PTDSS2: variants seen among roughly 807,000 people sequenced by gnomAD.
The protein encoded by PTDSS2 is PSS-2.
A neutral mutation model predicts 64.7 loss-of-function variants in PTDSS2; 41 were observed. That is an observed-to-expected ratio of 0.63 (90% confidence interval 0.49 to 0.82). The LOEUF (loss-of-function observed/expected upper bound fraction) is 0.82, where lower values mean the gene tolerates loss of function less well. Among genes scored for constraint, PTDSS2 ranks in the 40% least tolerant of loss-of-function variants. PTDSS2 has a pLI of 0.00. For synonymous variants in PTDSS2, 297 were observed against 277.8 expected (o/e 1.07, Z -0.69); for missense variants, 485 against 650.0 (o/e 0.75, Z 2.76).
chr11:469,671 T>C (rs945392818), intron 2 of PTDSS2, among the ~76,000 whole-genome samples: 4 of 152,008 alleles, frequency 2.6e-5, no homozygotes, highest in Admixed American at 6.6e-5. Flanking sequence ...ATCTTGTTGC[T>C]GTACAAGCTG....
At chr11:471,952 G>T (rs1335120203) in intron 2 of PTDSS2, among the ~76,000 whole-genome samples, 1 of 143,588 alleles carries the variant, frequency 7.0e-6, no homozygotes, top group African/African-American at 2.6e-5. Flanking sequence ...CGTGGATGGC[G>T]GCCTGGGGTG....
intron 2 of PTDSS2, among the ~76,000 whole-genome samples, chr11:469,681 G>C (rs1051928657): frequency 2.0e-5 from 3 of 151,970 alleles, no homozygotes; most frequent in African/African-American, 7.3e-5. Context: ...TGTACAAGCT[G>C]AGGGGGCCTA....
chr11:465,757 C>A (rs958117690), intron 2 of PTDSS2, among the ~76,000 whole-genome samples: 2 of 150,488 alleles, frequency 1.3e-5, no homozygotes, highest in African/African-American at 4.9e-5. Flanking sequence ...AGGACCACCC[C>A]CCCCCCATCT....
At chr11:475,793 A>G (rs1564980743) in intron 3 of PTDSS2, among the ~76,000 whole-genome samples, 1 of 152,252 alleles carries the variant, frequency 6.6e-6, no homozygotes, top group Non-Finnish European at 1.5e-5. Flanking sequence ...AATGTACTAC[A>G]TTTAACTAAC....
intron 2 of PTDSS2, among the ~76,000 whole-genome samples, chr11:469,210 T>C: frequency 8.6e-6 from 1 of 116,578 alleles, no homozygotes; most frequent in Non-Finnish European, 1.8e-5. Flanking sequence ...GGGGAGTCTC[T>C]GGGTAATCGG....
intron 1 of PTDSS2, chr11:451,210 C>T (rs183837224): frequency 3.4e-4 from 86 of 249,454 alleles, no homozygotes; most frequent in African/African-American, 1.8e-3. Context: ...CTCAGTTGCC[C>T]CTAGCGGGGC....
At chr11:475,363 A>C (rs1362430160) in intron 3 of PTDSS2, among the ~76,000 whole-genome samples, 1 of 141,722 alleles carries the variant, frequency 7.1e-6, no homozygotes, top group Non-Finnish European at 1.5e-5. Flanking sequence ...GGACATATTC[A>C]CATATTTGTG....
rs909071216 is a variant in PTDSS2, at chr11:476,232, C to T, written c.367+2255C>T. 2.6e-5 allele frequency among the ~76,000 whole-genome samples: 4 copies of T among 152,192 alleles called. No homozygotes were observed. The highest frequency in any genetic ancestry group is 6.5e-5 in the Admixed American group (1 of 15,282). ...GTCTGCCCAGCCGGCTGAGCACAGACGGTCTTGCCTCCAAGGGGTTTGGAT... is the reference window on the plus strand; with the variant it reads ...GTCTGCCCAGCCGGCTGAGCACAGATGGTCTTGCCTCCAAGGGGTTTGGAT... On this transcript the variant is annotated intron_variant, in intron 3 of 11. Coordinates refer to ENST00000308020, the MANE Select transcript of PTDSS2 (RefSeq NM_030783.3). The surrounding 1 kb of genome is among the most constrained non-coding windows in gnomAD (Gnocchi z 4.9).
At chr11:452,736 TGG>T (rs1846397395) in intron 1 of PTDSS2, among the ~76,000 whole-genome samples, 2 of 152,124 alleles carry the variant, frequency 1.3e-5, no homozygotes, top group Non-Finnish European at 2.9e-5. Flanking sequence ...TTCACGCTTC[TGG>T]GTGGCAGGTA....
chr11:457,588 T>C (rs1283575174), intron 1 of PTDSS2, among the ~76,000 whole-genome samples: 1 of 152,238 alleles, frequency 6.6e-6, no homozygotes, highest in Admixed American at 6.5e-5. Context: ...AGCACATTCC[T>C]CTGAGTGCTG....
chr11:459,982 G>A (rs1846800183), intron 1 of PTDSS2: 4 of 560,090 alleles, frequency 7.1e-6, no homozygotes, highest in Non-Finnish European at 1.3e-5. Context: ...CCTCCTGGGG[G>A]CTGGTCTCAG....
chr11:455,182 G>A (rs370726215), intron 1 of PTDSS2, among the ~76,000 whole-genome samples: 2 of 152,240 alleles, frequency 1.3e-5, no homozygotes, highest in African/African-American at 2.4e-5. Context: ...CTAGCTTCTG[G>A]GTCTCCCATT....
intron 3 of PTDSS2, among the ~76,000 whole-genome samples, chr11:477,604 T>A (rs540281754): frequency 3.9e-5 from 6 of 152,120 alleles, no homozygotes; most frequent in Non-Finnish European, 7.3e-5. Flanking sequence ...AGGAGAAACA[T>A]GAGAAAGATT....
rs1848423382 is a variant in PTDSS2 at position 486,959 on chromosome 11, G to A, written c.456G>A (p.Gln152=). Residue 152 remains glutamine, a synonymous_variant, in exon 5 of 12, where the codon CAG becomes CAA. Coordinates refer to ENST00000308020, the MANE Select transcript of PTDSS2 (RefSeq NM_030783.3). ...TGCAGACTGTCCAGGACGGCCGGCA[G>A]TTTCTAAAGTATGTTGACCCCAAGC... ...ILFQTVQDGR[Q]FLKYVDPKLG... The A allele has an allele frequency of 6.2e-7, 1 of 1,612,922 alleles. No individual in the cohort carries two copies.
chr11:455,811 T>G (rs910657442), intron 1 of PTDSS2, among the ~76,000 whole-genome samples: 13 of 152,248 alleles, frequency 8.5e-5, no homozygotes, highest in African/African-American at 3.1e-4. Flanking sequence ...TTTTTCTCTA[T>G]AACGTGTAGG....
In PTDSS2 at chr11:476,765, A is replaced by G. The variant is rs1419802967; in HGVS notation, c.368-2320A>G. Among the ~76,000 whole-genome samples, 1 of 152,156 alleles carries G rather than the reference A, an allele frequency of 6.6e-6. No individual in the cohort carries two copies. The highest frequency in any genetic ancestry group is 1.9e-4 in the East Asian group (1 of 5,200). ...TGTGGCTCGTCCCCTCCCACTGGGCAGGACTGGGGGTTCCTGGGGTGTTCA... is the reference window on the plus strand; with the variant it reads ...TGTGGCTCGTCCCCTCCCACTGGGCGGGACTGGGGGTTCCTGGGGTGTTCA... On this transcript the variant is annotated intron_variant, in intron 3 of 11. Coordinates refer to ENST00000308020, the MANE Select transcript of PTDSS2 (RefSeq NM_030783.3). This position sits in a 1 kb window ranked among gnomAD's most constrained non-coding sequence, Gnocchi z 4.9.
chr11:486,988 G>T lies in PTDSS2; in HGVS notation c.485G>T (p.Gly162Val). ...CTAAAGTATGTTGACCCCAAGCTGG[G>T]AGTCCCACTGCCAGAGAGAGACTAC... ...QFLKYVDPKL[G>V]VPLPERDYGG... is the part of the protein sequence containing the mutation. Residue 162 changes from glycine to valine, a missense_variant, in exon 5 of 12, where the codon GGA becomes GTA. This residue lies in a region of PTDSS2 where 251 missense variants were observed against 348.0 expected (regional missense o/e 0.72). Transcript: ENST00000308020. 6.2e-7 allele frequency: 1 copy of T among 1,613,402 alleles called. No individual in the cohort carries two copies. Among genetic ancestry groups the T allele is most frequent in the Non-Finnish European group, 8.5e-7 (1 of 1,179,892 alleles).
rs1846839036 is a variant in PTDSS2, at chr11:460,698, A to G, written c.284+410A>G. The G allele has an allele frequency of 5.6e-6, 1 of 178,088 alleles. No homozygotes were observed. Among genetic ancestry groups the G allele is most frequent in the South Asian group, 1.2e-4 (1 of 8,252 alleles). 11.0% of individuals were successfully genotyped at this position (178,088 alleles called of 1,614,324 possible). A position where few individuals can be genotyped will look rare whatever the true frequency, so the allele number is the denominator to read the frequency against. ...TAGCCAGCGGGGCTCTTGCACGGACAGGGGCCGACACGGACCGCAGACCAT... is the reference window on the plus strand; with the variant it reads ...TAGCCAGCGGGGCTCTTGCACGGACGGGGGCCGACACGGACCGCAGACCAT... On this transcript the variant is annotated intron_variant, in intron 2 of 11. Transcript: ENST00000308020. This position sits in a 1 kb window ranked among gnomAD's most constrained non-coding sequence, Gnocchi z 5.8.
At chr11:488,116 G>C (rs1848484343) in intron 6 of PTDSS2, 83 bp from the exon 7 acceptor site, 2 of 1,030,334 alleles carry the variant, frequency 1.9e-6, no homozygotes, top group African/African-American at 1.6e-5. Context: ...CTGGCTGCCA[G>C]CCGGGGTGGG....
Sources: allele counts gnomAD v4.1 joint callset (sites outside exome capture counted in the v4.1 genomes callset), GRCh38; gene constraint gnomAD v4.1.1; regional missense constraint gnomAD v4.1.1; non-coding constraint Gnocchi (gnomAD v3.1); transcripts MANE v1.5; gene names NCBI Gene and HGNC (gene_info 2026-07-23, HGNC 2026-07-21).